The following FRMD4B variants were observed in gnomAD, a reference collection of about 807,000 sequenced individuals.
The protein encoded by FRMD4B is FERM domain containing 4B, also known as FERM domain-containing protein 4B.
A neutral mutation model predicts 141.5 loss-of-function variants in FRMD4B; 74 were observed. That is an observed-to-expected ratio of 0.52 (90% CI 0.43 to 0.63). FRMD4B has a LOEUF of 0.63. Ranked by LOEUF, FRMD4B falls within the 30% of genes least tolerant of loss-of-function variation. FRMD4B has a pLI of 0.00. For missense variants in FRMD4B, 1,366 were observed against 1,253.4 expected (o/e 1.09, Z -1.36); for synonymous variants, 506 against 467.9 (o/e 1.08, Z -1.05).
chr3:69,465,630 A>C (rs1266689909), intron 1 of FRMD4B, among the ~76,000 whole-genome samples: 1 of 151,320 alleles, frequency 6.6e-6, no homozygotes, highest in Non-Finnish European at 1.5e-5. Flanking sequence ...TATGAGTAAG[A>C]ATATGTGGTG....
At chr3:69,531,194 T>C (rs1701004528) in intron 1 of FRMD4B, among the ~76,000 whole-genome samples, 1 of 152,180 alleles carries the variant, frequency 6.6e-6, no homozygotes, top group South Asian at 2.1e-4. Flanking sequence ...CTGCCTGGGA[T>C]TTGCTAATGA....
chr3:69,483,079 C>T (rs1706157506), intron 1 of FRMD4B, among the ~76,000 whole-genome samples: 1 of 152,094 alleles, frequency 6.6e-6, no homozygotes, highest in Non-Finnish European at 1.5e-5. Context: ...AAAGCTGCTT[C>T]CTAAAATTTT....
intron 11 of FRMD4B, chr3:69,200,660 C>T (rs2092956766): frequency 4.8e-6 from 6 of 1,244,980 alleles, no homozygotes; most frequent in Non-Finnish European, 6.2e-6. Flanking sequence ...GCAAAGTTCT[C>T]AGTGGCAGAT....
chr3:69,242,089 CAT>C (rs1376563069), intron 7 of FRMD4B, among the ~76,000 whole-genome samples: 1 of 152,080 alleles, frequency 6.6e-6, no homozygotes, highest in Non-Finnish European at 1.5e-5. Flanking sequence ...GAGGATTAAA[CAT>C]ATTAATAATA....
intron 2 of FRMD4B, among the ~76,000 whole-genome samples, chr3:69,395,182 A>T (rs1207486367): frequency 2.0e-5 from 3 of 152,094 alleles, no homozygotes; most frequent in Admixed American, 6.6e-5. Flanking sequence ...TTAAAGTAAA[A>T]TTTTTTAAAA....
chr3:69,310,579 CACAGAGAGAGAGAGAGAG>C (rs1203909757), intron 3 of FRMD4B: 56 of 266,564 alleles, frequency 2.1e-4, no homozygotes, highest in East Asian at 3.3e-4. Context: ...CACACACACA[CACAGAGAGAGAGAGAGAG>C]AGAGAGAGAG....
intron 1 of FRMD4B, among the ~76,000 whole-genome samples, chr3:69,531,709 C>T (rs1387534775): frequency 6.6e-6 from 1 of 152,182 alleles, no homozygotes; most frequent in Non-Finnish European, 1.5e-5. Flanking sequence ...ATTTTCATAG[C>T]TTTTCTCTGA....
At chr3:69,487,122 T>C (rs1302606131) in intron 1 of FRMD4B, among the ~76,000 whole-genome samples, 3 of 152,180 alleles carry the variant, frequency 2.0e-5, no homozygotes, top group Non-Finnish European at 4.4e-5. Context: ...TCTGATGTGA[T>C]TTTGCATGTA....
chr3:69,309,321 C>T (rs6800693), intron 3 of FRMD4B, among the ~76,000 whole-genome samples: 23 of 94,648 alleles, frequency 2.4e-4, no homozygotes, highest in African/African-American at 2.4e-4. Context: ...TTTTTTTTTT[C>T]GTAGAGATGG....
chr3:69,345,746 C>T (rs1434176999), intron 1 of FRMD4B, among the ~76,000 whole-genome samples: 1 of 152,212 alleles, frequency 6.6e-6, no homozygotes, highest in Non-Finnish European at 1.5e-5. Context: ...CTCTGGCACA[C>T]TCCAACAGAC....
chr3:69,298,897 A>C lies in FRMD4B; in HGVS notation c.416+3446T>G, dbSNP rs9813232. ...CTTTACTTAGTGTCAGTCTCTTTCC[A>C]TTAGGCTGTGTGCTTTATGGCTGCA... On this transcript the variant is annotated intron_variant, in intron 4 of 22. Coordinates refer to ENST00000398540, the MANE Select transcript of FRMD4B (RefSeq NM_015123.3). Among the ~76,000 whole-genome samples the C allele has an allele frequency of 6.8e-3, 1,036 of 151,714 alleles. 15 individuals carry two copies. Among genetic ancestry groups the C allele is most frequent in the African/African-American group, 0.024 (974 of 41,324 alleles).
chr3:69,337,049 C>G (rs1277667677), intron 1 of FRMD4B, among the ~76,000 whole-genome samples: 1 of 152,178 alleles, frequency 6.6e-6, no homozygotes, highest in Non-Finnish European at 1.5e-5. Context: ...TACCTGACTT[C>G]AAACTATACT....
intron 1 of FRMD4B, among the ~76,000 whole-genome samples, chr3:69,314,576 G>A (rs548389507): frequency 6.7e-6 from 1 of 149,878 alleles, no homozygotes; most frequent in African/African-American, 2.5e-5. Flanking sequence ...GCTCACGCCT[G>A]TAATCCCAAC....
chr3:69,251,664 C>A (rs1054871021), intron 5 of FRMD4B, among the ~76,000 whole-genome samples: 1 of 152,170 alleles, frequency 6.6e-6, no homozygotes, highest in African/African-American at 2.4e-5. Context: ...AGCTGACAGG[C>A]CCAGAGCCTT....
At chr3:69,308,666 C>T (rs1441682539) in intron 3 of FRMD4B, among the ~76,000 whole-genome samples, 1 of 152,086 alleles carries the variant, frequency 6.6e-6, no homozygotes, top group East Asian at 1.9e-4. Flanking sequence ...TCTGGAATTC[C>T]TAGGCTCAAG....
intron 5 of FRMD4B, among the ~76,000 whole-genome samples, chr3:69,265,117 C>T (rs2093552278): frequency 6.7e-6 from 1 of 149,814 alleles, no homozygotes; most frequent in Admixed American, 6.7e-5. Context: ...TAGCCGGGGG[C>T]AGTGGTGGGC....
At chr3:69,357,048 C>T (rs1364737931) in intron 1 of FRMD4B, among the ~76,000 whole-genome samples, 1 of 152,188 alleles carries the variant, frequency 6.6e-6, no homozygotes, top group Non-Finnish European at 1.5e-5. Context: ...CACTGACCAA[C>T]ACTGTTCAAG....
intron 1 of FRMD4B, among the ~76,000 whole-genome samples, chr3:69,342,511 A>G (rs1559817515): frequency 6.6e-6 from 1 of 152,212 alleles, no homozygotes. Flanking sequence ...ATGGTGTCTA[A>G]ATATTTTTAT....
At chr3:69,176,437 T>G (rs11128118) in intron 22 of FRMD4B, 87 bp downstream of exon 22, 1,083,571 of 1,161,554 alleles carry the variant, frequency 0.93, 514,257 homozygotes, top group Non-Finnish European at 0.99. Flanking sequence ...ACCCCTGAAC[T>G]AGATTATCTG....
Sources: allele counts gnomAD v4.1 joint callset (sites outside exome capture counted in the v4.1 genomes callset), GRCh38; gene constraint gnomAD v4.1.1; transcripts MANE v1.5; gene names NCBI Gene and HGNC (gene_info 2026-07-23, HGNC 2026-07-21).